CNTN4: variants seen among roughly 807,000 people sequenced by gnomAD.
CNTN4 encodes the protein contactin-4.
A neutral mutation model predicts 122.5 loss-of-function variants in CNTN4; 77 were observed. The ratio of observed to expected loss-of-function variants is 0.63; its 90% CI spans 0.52 to 0.76. CNTN4 has a LOEUF of 0.76. Among genes scored for constraint, CNTN4 ranks in the 30% least tolerant of loss-of-function variants. CNTN4 has a pLI of 0.00. For missense variants in CNTN4, 1,256 were observed against 1,259.1 expected (o/e 1.00, Z 0.04); for synonymous variants, 512 against 447.0 (o/e 1.15, Z -1.83).
intron 3 of CNTN4, chr3:2,362,628 G>T (rs568052464): frequency 5.4e-5 from 25 of 462,714 alleles, no homozygotes; most frequent in South Asian, 4.4e-4. Context: ...AAGGGCTGAG[G>T]GCCTAGGAGA....
intron 3 of CNTN4, among the ~76,000 whole-genome samples, chr3:2,504,718 A>G (rs1342006217): frequency 6.6e-6 from 1 of 152,198 alleles, no homozygotes; most frequent in Non-Finnish European, 1.5e-5. Context: ...ATTGTGATCA[A>G]ACAACAACAG....
chr3:2,477,703 C>T lies in CNTN4; in HGVS notation c.-88-93713C>T, dbSNP rs577191794. Among the ~76,000 whole-genome samples, 15 of 152,248 alleles carry T rather than the reference C, an allele frequency of 9.9e-5. No individual in the cohort carries two copies. The South Asian group carries it at 1.2e-3, about 13-fold the overall frequency. On this transcript the variant is annotated intron_variant, in intron 3 of 24. Transcript: ENST00000418658. Reference sequence around the variant, plus strand: ...AGAAGTACATAGTCTATGCATTTTGCGGGGAGAACACAGATGATTTTACCA... The same window carrying T: ...AGAAGTACATAGTCTATGCATTTTGTGGGGAGAACACAGATGATTTTACCA...
chr3:2,172,303 G>A (rs2036552162), intron 2 of CNTN4, among the ~76,000 whole-genome samples: 1 of 152,078 alleles, frequency 6.6e-6, no homozygotes, highest in African/African-American at 2.4e-5. Flanking sequence ...ACTCAGAAAT[G>A]GAAAACCAAA....
chr3:2,622,134 G>C (rs769235456), intron 4 of CNTN4, among the ~76,000 whole-genome samples: 12 of 152,102 alleles, frequency 7.9e-5, no homozygotes, highest in African/African-American at 1.2e-4. Context: ...CCTATCTTTT[G>C]CTTTGCTGTT....
At chr3:2,705,256 T>C (rs930130537) in intron 4 of CNTN4, among the ~76,000 whole-genome samples, 2 of 147,260 alleles carry the variant, frequency 1.4e-5, no homozygotes, top group Admixed American at 6.9e-5. Flanking sequence ...TAGTCCCAGC[T>C]ACTCGGGAAG....
chr3:2,558,999 C>T (rs982367377), intron 3 of CNTN4, among the ~76,000 whole-genome samples: 3 of 152,176 alleles, frequency 2.0e-5, no homozygotes, highest in Non-Finnish European at 2.9e-5. Flanking sequence ...TCTCTGAGAA[C>T]CAGTTAGTGT....
chr3:2,885,850 G>T (rs1378402827), intron 9 of CNTN4, among the ~76,000 whole-genome samples: 1 of 152,110 alleles, frequency 6.6e-6, no homozygotes, highest in East Asian at 1.9e-4. Context: ...CACATTTCTG[G>T]TATTTTGTTG....
chr3:2,479,907 A>C (rs1409962591), intron 3 of CNTN4, among the ~76,000 whole-genome samples: 1 of 152,222 alleles, frequency 6.6e-6, no homozygotes, highest in Non-Finnish European at 1.5e-5. Context: ...GTATAAAAAT[A>C]ATTATACACC....
intron 4 of CNTN4, among the ~76,000 whole-genome samples, chr3:2,703,503 C>T (rs2086474428): frequency 6.6e-6 from 1 of 151,954 alleles, no homozygotes; most frequent in African/African-American, 2.4e-5. Context: ...TGGAACTTGC[C>T]CATGTGAAAC....
chr3:2,847,813 T>G (rs902535699), intron 7 of CNTN4, among the ~76,000 whole-genome samples: 1 of 152,232 alleles, frequency 6.6e-6, no homozygotes, highest in East Asian at 1.9e-4. Context: ...AGAGATACTC[T>G]TAGGGAATGC....
At chr3:2,163,568 C>T (rs531476420) in intron 2 of CNTN4, among the ~76,000 whole-genome samples, 57 of 151,890 alleles carry the variant, frequency 3.8e-4, no homozygotes, top group Middle Eastern at 3.4e-3. Context: ...ATAGACAACC[C>T]GCAGAATGGG....
At chr3:2,796,243 A>G (rs1048794944) in intron 6 of CNTN4, among the ~76,000 whole-genome samples, 5 of 152,260 alleles carry the variant, frequency 3.3e-5, no homozygotes, top group South Asian at 2.1e-4. Context: ...TTCCTTCATC[A>G]TTGCAGTTCT....
intron 4 of CNTN4, among the ~76,000 whole-genome samples, chr3:2,689,368 A>G (rs1385707087): frequency 1.3e-5 from 2 of 152,150 alleles, no homozygotes; most frequent in Admixed American, 6.6e-5. Flanking sequence ...AGTAGCTTGG[A>G]TAGCACCTCC....
chr3:2,970,232 C>T (rs1692765352), intron 13 of CNTN4, among the ~76,000 whole-genome samples: 1 of 152,000 alleles, frequency 6.6e-6, no homozygotes, highest in Non-Finnish European at 1.5e-5. Flanking sequence ...GTAATTGGGA[C>T]TACAAGTGCA....
At chr3:3,011,739 A>G (rs1475213937) in intron 14 of CNTN4, among the ~76,000 whole-genome samples, 3 of 152,080 alleles carry the variant, frequency 2.0e-5, no homozygotes, top group African/African-American at 7.2e-5. Context: ...TAGAGTCGCG[A>G]TATTTCTTTG....
chr3:2,744,867 A>G (rs2089668339), intron 5 of CNTN4, among the ~76,000 whole-genome samples: 2 of 152,224 alleles, frequency 1.3e-5, no homozygotes, highest in Admixed American at 1.3e-4. Context: ...ACAAAAAACA[A>G]AAAACCTGTC....
intron 8 of CNTN4, among the ~76,000 whole-genome samples, chr3:2,882,291 G>A (rs764984970): frequency 7.2e-5 from 11 of 152,010 alleles, no homozygotes; most frequent in African/African-American, 1.7e-4. Context: ...GCTTGAACCC[G>A]GAAGGCAGAG....
rs552122876 is a variant in CNTN4, at chr3:2,664,267, C to T, written c.56-71948C>T. Among the ~76,000 whole-genome samples the T allele has an allele frequency of 7.9e-5, 12 of 152,192 alleles. No homozygotes were observed. In the East Asian group the frequency reaches 1.4e-3, roughly 17 times the overall value. On this transcript the variant is annotated intron_variant, in intron 4 of 24. Transcript: ENST00000418658. The stretch of plus-strand genomic sequence containing the variant: ...GAAATACATACGTCTTCTAAGCCAG[C>T]TTCTGGAGGCAAAATTCAATGGCTT...
At chr3:2,744,417 A>G (rs1334181523) in intron 5 of CNTN4, among the ~76,000 whole-genome samples, 1 of 152,264 alleles carries the variant, frequency 6.6e-6, no homozygotes, top group African/African-American at 2.4e-5. Context: ...TACTATTTAA[A>G]GGAGATAAGG....
Sources: allele counts gnomAD v4.1 joint callset (sites outside exome capture counted in the v4.1 genomes callset), GRCh38; gene constraint gnomAD v4.1.1; transcripts MANE v1.5; gene names NCBI Gene and HGNC (gene_info 2026-07-23, HGNC 2026-07-21).